Variants in ZFPM2 observed in about 807,000 individuals in gnomAD.
ZFPM2 encodes zinc finger protein ZFPM2.
Under a neutral mutation model 98.6 loss-of-function variants are expected in ZFPM2, and 20 were observed. The observed-to-expected ratio is 0.20, with a 90% CI of 0.14 to 0.29. ZFPM2 has a LOEUF of 0.29. Ranked by LOEUF, ZFPM2 falls within the 10% of genes least tolerant of loss-of-function variation. ZFPM2 has a pLI of 1.00. For synonymous variants in ZFPM2, 518 were observed against 502.7 expected, an observed-to-expected ratio of 1.03 and a Z score of -0.41; for missense variants, 1,310 against 1,388.6, an observed-to-expected ratio of 0.94 and a Z score of 0.90.
chr8:105,768,642 C>T (rs1812910211), intron 5 of ZFPM2, among the ~76,000 whole-genome samples: 1 of 152,038 alleles, frequency 6.6e-6, no homozygotes, highest in African/African-American at 2.4e-5. Flanking sequence ...GACTTGGGTT[C>T]CATTCACACA....
At chr8:105,609,890 T>A (rs529592296) in intron 4 of ZFPM2, among the ~76,000 whole-genome samples, 8 of 152,136 alleles carry the variant, frequency 5.3e-5, no homozygotes, top group Non-Finnish European at 1.2e-4. Context: ...TTCACCAAAC[T>A]AATGCTGTAA....
intron 5 of ZFPM2, among the ~76,000 whole-genome samples, chr8:105,705,482 G>A (rs1443690925): frequency 6.6e-6 from 1 of 152,052 alleles, no homozygotes; most frequent in Non-Finnish European, 1.5e-5. Context: ...ATGTAAAGAT[G>A]ACCAAATAAT....
At chr8:105,597,954 G>T (rs1481069177) in intron 4 of ZFPM2, among the ~76,000 whole-genome samples, 1 of 151,696 alleles carries the variant, frequency 6.6e-6, no homozygotes, top group Non-Finnish European at 1.5e-5. Context: ...ATTAAATTCT[G>T]CTGGGGATTG....
At chr8:105,657,850 T>C (rs1308994223) in intron 5 of ZFPM2, among the ~76,000 whole-genome samples, 1 of 152,240 alleles carries the variant, frequency 6.6e-6, no homozygotes, top group Non-Finnish European at 1.5e-5. Flanking sequence ...CCCATGCATT[T>C]ATTTTTTAAT....
chr8:105,718,218 T>C (rs968693993), intron 5 of ZFPM2, among the ~76,000 whole-genome samples: 3 of 151,924 alleles, frequency 2.0e-5, no homozygotes, highest in Non-Finnish European at 2.9e-5. Flanking sequence ...TGGCAGTTGC[T>C]CACTCTGGCT....
At position 105,464,870 on chromosome 8, in the gene ZFPM2, C is replaced by G. The variant is rs970768180; in HGVS notation, c.301+20489C>G. Among the ~76,000 whole-genome samples the G allele has an allele frequency of 5.9e-5, 9 of 151,672 alleles. No individual in the cohort carries two copies. In the South Asian group the frequency reaches 1.2e-3, roughly 21 times the overall value. On this transcript the variant is annotated intron_variant, in intron 3 of 7. Transcript: ENST00000407775. ...AGGGAATGAAAAATGGAGGAGGCAGCCTGTTAGGGAATTTCTTCTTCTGGA... is the reference window on the plus strand; with the variant it reads ...AGGGAATGAAAAATGGAGGAGGCAGGCTGTTAGGGAATTTCTTCTTCTGGA...
chr8:105,429,037 CAGAA>C (rs1342471837), intron 2 of ZFPM2, among the ~76,000 whole-genome samples: 1 of 152,034 alleles, frequency 6.6e-6, no homozygotes, highest in Admixed American at 6.6e-5. Context: ...ATTTTTCTGA[CAGAA>C]AGGAAGGTCT....
intron 5 of ZFPM2, among the ~76,000 whole-genome samples, chr8:105,743,527 C>T (rs1242358598): frequency 6.6e-6 from 1 of 151,988 alleles, no homozygotes; most frequent in African/African-American, 2.4e-5. Context: ...CTCTTCACTC[C>T]TCTATGGATA....
intron 2 of ZFPM2, among the ~76,000 whole-genome samples, chr8:105,427,810 G>C (rs1459529131): frequency 6.6e-6 from 1 of 152,186 alleles, no homozygotes; most frequent in African/African-American, 2.4e-5. Context: ...TGCTGTTTCA[G>C]CTTCTTTTTT....
At chr8:105,347,427 G>A (rs1321743983) in intron 1 of ZFPM2, among the ~76,000 whole-genome samples, 1 of 152,108 alleles carries the variant, frequency 6.6e-6, no homozygotes, top group African/African-American at 2.4e-5. Flanking sequence ...AAACCTTAAT[G>A]TGAAAAATAA....
At chr8:105,334,277 T>C (rs1044560480) in intron 1 of ZFPM2, among the ~76,000 whole-genome samples, 1 of 151,170 alleles carries the variant, frequency 6.6e-6, no homozygotes, top group African/African-American at 2.4e-5. Context: ...CTTTTGGGAG[T>C]TGGGAAGAAA....
At chr8:105,789,645 C>G (rs1813537421) in intron 6 of ZFPM2, among the ~76,000 whole-genome samples, 1 of 151,790 alleles carries the variant, frequency 6.6e-6, no homozygotes, top group African/African-American at 2.4e-5. Context: ...TTCTAGATCC[C>G]TGAGGAATCG....
intron 1 of ZFPM2, among the ~76,000 whole-genome samples, chr8:105,402,511 C>T (rs765099157): frequency 4.6e-5 from 7 of 151,756 alleles, no homozygotes; most frequent in African/African-American, 9.7e-5. Context: ...TAATTTAACC[C>T]GTCTTTAGAG....
intron 3 of ZFPM2, among the ~76,000 whole-genome samples, chr8:105,470,839 G>A (rs982303781): frequency 2.0e-5 from 3 of 151,442 alleles, no homozygotes; most frequent in Non-Finnish European, 4.4e-5. Context: ...AGTTATTTAT[G>A]TTCCCTATTC....
At chr8:105,568,614 C>G (rs556133661) in intron 4 of ZFPM2, among the ~76,000 whole-genome samples, 17 of 152,262 alleles carry the variant, frequency 1.1e-4, no homozygotes, top group Non-Finnish European at 2.5e-4. Context: ...GCTACCACTG[C>G]TTTAGTCGAA....
At chr8:105,463,006 GATAAATA>G (rs1812730864) in intron 3 of ZFPM2, among the ~76,000 whole-genome samples, 1 of 151,538 alleles carries the variant, frequency 6.6e-6, no homozygotes, top group African/African-American at 2.4e-5. Flanking sequence ...GTGGATTTGA[GATAAATA>G]ATAAAAAAAA....
intron 5 of ZFPM2, among the ~76,000 whole-genome samples, chr8:105,712,894 T>A (rs1369248034): frequency 6.6e-6 from 1 of 152,080 alleles, no homozygotes; most frequent in African/African-American, 2.4e-5. Flanking sequence ...ATATCATTCT[T>A]TTTTTATGGC....
intron 3 of ZFPM2, among the ~76,000 whole-genome samples, chr8:105,479,124 T>G (rs1165164384): frequency 3.9e-5 from 6 of 152,206 alleles, no homozygotes; most frequent in Non-Finnish European, 7.3e-5. Flanking sequence ...CTGACGATGG[T>G]AAAGTCTCTG....
intron 1 of ZFPM2, among the ~76,000 whole-genome samples, chr8:105,353,215 G>A (rs1812681446): frequency 6.6e-6 from 1 of 152,042 alleles, no homozygotes. Flanking sequence ...TGCTTCTGAA[G>A]GGATCCCCCC....
Sources: gnomAD v4.1 joint callset for allele counts (sites outside exome capture counted in the v4.1 genomes callset) on GRCh38, gnomAD v4.1.1 for gene constraint, MANE v1.5 for transcripts, NCBI Gene and HGNC (gene_info 2026-07-23, HGNC 2026-07-21) for gene names.